The following MYH7B variants were observed in gnomAD, a reference collection of about 807,000 sequenced individuals.
MYH7B encodes myosin heavy chain 7B, also known as myosin-7B.
In MYH7B, 205 loss-of-function variants were observed where a neutral mutation model predicts 234.5. The observed-to-expected ratio is 0.87, with a 90% confidence interval of 0.78 to 0.98. The LOEUF (loss-of-function observed/expected upper bound fraction) is 0.98. Among genes scored for constraint, MYH7B ranks in the 50% least tolerant of loss-of-function variants. The probability of loss-of-function intolerance (pLI) is 0.00; values close to 1 mark genes in which losing one functional copy is unlikely to be tolerated. For synonymous variants in MYH7B, 1,193 were observed against 1,105.0 expected, an observed-to-expected ratio of 1.08 and a Z score of -1.58; for missense variants, 2,652 against 2,633.4, an observed-to-expected ratio of 1.01 and a Z score of -0.15.
At position 35,000,777 on chromosome 20, in the gene MYH7B, C is replaced by T. The variant is rs764559404; in HGVS notation, c.5188C>T (p.Leu1730Phe). Residue 1730 changes from leucine (L) to phenylalanine (F), a missense_variant, in exon 40 of 45, where the codon CTC (leucine) becomes TTC (phenylalanine). Physicochemically the swap from Leu to Phe is conservative, Grantham distance 22 (BLOSUM62 0). Transcript: ENST00000262873. ...CTCCTCTTCCCCTCAGAACACAGGC[C>T]TCCTAAACCAGAAGAAGAAGCTGGA... 1.4e-5 allele frequency: 22 copies of T among 1,612,994 alleles called. No individual in the cohort carries two copies. The South Asian group carries it at 2.1e-4, about 15-fold the overall frequency.
chr20:34,979,635 G>C (rs747822829), intron 6 of MYH7B, 26 bp from the exon 7 acceptor site: 2 of 1,613,542 alleles, frequency 1.2e-6, no homozygotes, highest in Admixed American at 1.7e-5. Flanking sequence ...CCGGTCCCCC[G>C]GCCCCTGACA....
At chr20:34,959,571 G>A (rs1483962833) in intron 2 of MYH7B, among the ~76,000 whole-genome samples, 1 of 151,120 alleles carries the variant, frequency 6.6e-6, no homozygotes, top group African/African-American at 2.4e-5. Flanking sequence ...TCTGCCTCCC[G>A]GGTTCAGGCA....
intron 32 of MYH7B, among the ~76,000 whole-genome samples, chr20:34,997,957 C>T (rs2082295533): frequency 1.3e-5 from 2 of 152,148 alleles, no homozygotes; most frequent in Admixed American, 6.5e-5. Flanking sequence ...CTCTTCCTGT[C>T]CTGAACCCCA....
At chr20:34,988,401 T>A in intron 19 of MYH7B, 139 bp downstream of exon 19, 2 of 963,750 alleles carry the variant, frequency 2.1e-6, no homozygotes, top group African/African-American at 1.7e-5. Flanking sequence ...AGCATGCATG[T>A]GAGTGTAGTT....
intron 23 of MYH7B, 41 bp from the exon 24 acceptor site, chr20:34,990,963 T>C: frequency 6.3e-7 from 1 of 1,579,968 alleles, no homozygotes; most frequent in Non-Finnish European, 8.7e-7. Context: ...GGCCTGCGGG[T>C]GTGCCTGTTG....
chr20:34,980,433 T>C lies in MYH7B; in HGVS notation c.343-145T>C, dbSNP rs2081924444. 7 of 715,128 alleles carry C rather than the reference T, an allele frequency of 9.8e-6. No homozygotes were observed. In the South Asian group the frequency reaches 1.2e-4, roughly 12 times the overall value. The allele number at this position is 715,128 out of a possible 1,614,324, so 44.3% of individuals were successfully genotyped here. A position where few individuals can be genotyped will look rare whatever the true frequency, so the allele number is the denominator to read the frequency against. ...TCGTGGTGGCACGCGCTTGTAGTCCTAGCTACCCTGGGAGGCTGAGGCAGG... is the reference window on the plus strand; with the variant it reads ...TCGTGGTGGCACGCGCTTGTAGTCCCAGCTACCCTGGGAGGCTGAGGCAGG... On this transcript the variant is annotated intron_variant, in intron 7 of 44. Transcript: ENST00000262873.
chr20:34,963,155 T>C (rs2081713770), intron 2 of MYH7B, among the ~76,000 whole-genome samples: 1 of 152,226 alleles, frequency 6.6e-6, no homozygotes, highest in Non-Finnish European at 1.5e-5. Flanking sequence ...TAGGGAATAA[T>C]GACAAGGAAA....
At chr20:34,974,940 A>G (rs556031399) in intron 2 of MYH7B, among the ~76,000 whole-genome samples, 4 of 152,348 alleles carry the variant, frequency 2.6e-5, no homozygotes, top group South Asian at 2.1e-4. Context: ...TCTAAGCTCT[A>G]CAAAGAGAAT....
In MYH7B at chr20:34,986,874, C is replaced by T; in HGVS notation, c.905-12C>T. ...ACTGCCTGACCCTCCCTTCTCTGCC[C>T]TGTGTCCCCAGACATGCTGCTTCTG... On this transcript the variant is annotated splice_polypyrimidine_tract_variant and intron_variant, in intron 14 of 44. Coordinates refer to ENST00000262873, the Ensembl canonical transcript of MYH7B. 6.2e-7 allele frequency: 1 copy of T among 1,609,500 alleles called. No homozygotes were observed. Among genetic ancestry groups the T allele is most frequent in the South Asian group, 1.1e-5 (1 of 90,956 alleles).
intron 10 of MYH7B, 45 bp downstream of exon 10, chr20:34,982,600 T>G (rs1600427210): frequency 6.9e-7 from 1 of 1,448,046 alleles, no homozygotes; most frequent in East Asian, 2.4e-5. Flanking sequence ...CTTCTCGCTG[T>G]TTTTCTTTTC....
intron 24 of MYH7B, among the ~76,000 whole-genome samples, chr20:34,992,334 A>C (rs1476825245): frequency 2.0e-5 from 3 of 148,736 alleles, no homozygotes; most frequent in South Asian, 2.2e-4. Context: ...TGCAGTGAGC[A>C]GAGATCGTGC....
chr20:34,981,037 A>G, exon 9 of MYH7B: 2 of 1,613,942 alleles, frequency 1.2e-6, no homozygotes, highest in African/African-American at 1.3e-5. Context: ...CTCCAGACCG[A>G]GACAACCAGT....
At chr20:34,958,921 A>T (rs1226484884) in intron 2 of MYH7B, among the ~76,000 whole-genome samples, 1 of 152,244 alleles carries the variant, frequency 6.6e-6, no homozygotes, top group Admixed American at 6.5e-5. Flanking sequence ...CACGTGGCAG[A>T]TGCTCAATAA....
At chr20:34,998,012 C>G (rs1180580202) in intron 32 of MYH7B, among the ~76,000 whole-genome samples, 1 of 152,194 alleles carries the variant, frequency 6.6e-6, no homozygotes, top group Non-Finnish European at 1.5e-5. Flanking sequence ...ATAATCCTGA[C>G]AGCTGACCTC....
chr20:34,957,970 C>T (rs1258672356), intron 1 of MYH7B, among the ~76,000 whole-genome samples, 128 bp from the exon 2 acceptor site: 1 of 152,172 alleles, frequency 6.6e-6, no homozygotes, highest in Non-Finnish European at 1.5e-5. Flanking sequence ...AGGGGATAAG[C>T]AGCTGTTAAC....
At chr20:34,979,884 C>T in intron 7 of MYH7B, 80 bp downstream of exon 7, 1 of 1,501,236 alleles carries the variant, frequency 6.7e-7, no homozygotes. Context: ...GGGGGCGGGC[C>T]CATAGCGGTG....
At chr20:34,994,087 G>A (rs1286992305) in intron 26 of MYH7B, 59 bp from the exon 27 acceptor site, 1 of 1,589,362 alleles carries the variant, frequency 6.3e-7, no homozygotes, top group Non-Finnish European at 8.6e-7. Context: ...TGTGCTGAGT[G>A]TCACCATTTG....
At chr20:35,002,118 A>AG (rs2082402434) in intron 44 of MYH7B, 33 bp downstream of exon 44, 1 of 1,610,994 alleles carries the variant, frequency 6.2e-7, no homozygotes, top group Non-Finnish European at 8.5e-7. Flanking sequence ...CTCTCTGTGC[A>AG]GGGGGACTGT....
rs1345760966 is a variant in MYH7B at position 34,998,403 on chromosome 20, C to T, written c.3856C>T (p.Arg1286Ter). ...GGCGGACGCAAGCACGCAGCGTGGG[C>T]GACTACAGACGGAAAGCGGTGAGGC... is the stretch of plus-strand genomic sequence containing the variant. Residue 1286 changes from arginine to a stop codon, truncating the protein, a stop_gained, in exon 33 of 45, where the codon CGA (arginine) becomes TGA (stop). Transcript: ENST00000262873. LOFTEE classifies it high-confidence loss of function. The T allele has an allele frequency of 1.5e-5, 24 of 1,613,256 alleles. No homozygotes were observed. The highest frequency in any genetic ancestry group is 6.7e-5 in the East Asian group (3 of 44,892).
Sources: allele counts gnomAD v4.1 joint callset (sites outside exome capture counted in the v4.1 genomes callset), GRCh38; gene constraint gnomAD v4.1.1; transcripts MANE v1.5; gene names NCBI Gene and HGNC (gene_info 2026-07-23, HGNC 2026-07-21).